The following KATNBL1 variants were observed in gnomAD, a reference collection of about 807,000 sequenced individuals.
The protein encoded by KATNBL1 is KATNB1-like protein 1.
In KATNBL1, 28 loss-of-function variants were observed where a neutral mutation model predicts 44.7. That is an observed-to-expected ratio of 0.63 (90% CI 0.46 to 0.86). The LOEUF (loss-of-function observed/expected upper bound fraction) is 0.86. Among genes scored for constraint, KATNBL1 ranks in the 40% least tolerant of loss-of-function variants. KATNBL1 has a pLI of 0.00. For missense variants in KATNBL1, 272 were observed against 350.7 expected (o/e 0.78, Z 1.79); for synonymous variants, 78 against 114.9 (o/e 0.68, Z 2.06).
At chr15:34,191,028 G>A (rs923305330) in intron 1 of KATNBL1, among the ~76,000 whole-genome samples, 9 of 151,960 alleles carry the variant, frequency 5.9e-5, no homozygotes, top group African/African-American at 2.2e-4. Flanking sequence ...TAAATGCAAT[G>A]TTTGGATGTT....
chr15:34,152,801 A>C lies in KATNBL1; in HGVS notation c.427T>G (p.Phe143Val). The C allele has an allele frequency of 6.2e-7, 1 of 1,609,150 alleles. No homozygotes were observed. Among genetic ancestry groups the C allele is most frequent in the Non-Finnish European group, 8.5e-7 (1 of 1,177,216 alleles). The change falls in exon 4 of 10, where the codon TTT becomes GTT. Residue 143 changes from phenylalanine to valine, a missense_variant. Physicochemically the swap from Phe to Val is conservative, Grantham distance 50. Coordinates refer to ENST00000256544, the MANE Select transcript of KATNBL1 (RefSeq NM_024713.3). ...GAGAAAAGACTTACCTCAGAAAAAA[A>C]CCCACTATATTTTGATGATGGGCTT... ...TESPSSKYSG[F>V]FSEVSQDHET...
chr15:34,148,874 C>T, intron 4 of KATNBL1, 124 bp from the exon 5 acceptor site: 2 of 588,142 alleles, frequency 3.4e-6, no homozygotes, highest in Admixed American at 3.0e-5. Flanking sequence ...TTTACTAGCC[C>T]ACAAAAAGGA....
chr15:34,174,997 A>C (rs1167045350), intron 1 of KATNBL1, among the ~76,000 whole-genome samples: 3 of 152,082 alleles, frequency 2.0e-5, no homozygotes, highest in Admixed American at 1.3e-4. Flanking sequence ...CTGTAATCCC[A>C]GCACTGTGGT....
chr15:34,153,224 G>C (rs1415338721), intron 3 of KATNBL1, among the ~76,000 whole-genome samples, 155 bp from the exon 4 acceptor site: 2 of 152,136 alleles, frequency 1.3e-5, no homozygotes, highest in Non-Finnish European at 2.9e-5. Flanking sequence ...GAGTTGAAGA[G>C]AAAAGTAAAA....
In KATNBL1 at chr15:34,183,112, T is replaced by C. The variant is rs1040987170; in HGVS notation, c.-14-19422A>G. Among the ~76,000 whole-genome samples, 5 of 152,344 alleles carry C rather than the reference T, an allele frequency of 3.3e-5. No individual in the cohort carries two copies. In the East Asian group the frequency reaches 5.8e-4, roughly 18 times the overall value. On this transcript the variant is annotated intron_variant, in intron 1 of 9. Transcript: ENST00000256544. ...CTCCAGGAAACTGGTTACTCTTCAA[T>C]CCTGGAGGTGCCAGAAACATTCCTC...
rs2140899690 is a variant in KATNBL1 at position 34,147,126 on chromosome 15, A to G, written c.698+74T>C. Reference sequence around the variant, plus strand: ...TTGCATGTCTCATGGAGCCCAATCTACTATGTACTCACAAAGCACAAAATC... The same window carrying G: ...TTGCATGTCTCATGGAGCCCAATCTGCTATGTACTCACAAAGCACAAAATC... On this transcript the variant is annotated intron_variant, in intron 7 of 9. Coordinates refer to ENST00000256544, the MANE Select transcript of KATNBL1 (RefSeq NM_024713.3). 4 of 886,516 alleles carry G rather than the reference A, an allele frequency of 4.5e-6. No individual in the cohort carries two copies. The East Asian group carries it at 9.9e-5, about 22-fold the overall frequency. 54.9% of individuals were successfully genotyped at this position (886,516 alleles called of 1,614,324 possible).
intron 2 of KATNBL1, among the ~76,000 whole-genome samples, chr15:34,162,956 T>C (rs1316615110): frequency 1.3e-5 from 2 of 151,816 alleles, no homozygotes; most frequent in East Asian, 3.9e-4. Flanking sequence ...TAATGAACCT[T>C]ACAATAGTGA....
intron 1 of KATNBL1, among the ~76,000 whole-genome samples, chr15:34,206,529 C>T (rs1461813022): frequency 6.6e-6 from 1 of 152,162 alleles, no homozygotes; most frequent in African/African-American, 2.4e-5. Flanking sequence ...TGGTGGCTCA[C>T]GCCTGTAATC....
intron 1 of KATNBL1, among the ~76,000 whole-genome samples, chr15:34,178,222 A>C (rs1889394942): frequency 6.6e-6 from 1 of 152,172 alleles, no homozygotes; most frequent in Admixed American, 6.5e-5. Context: ...ACCAACTTTA[A>C]ACAGCGTATT....
chr15:34,143,697 C>G (rs1888219072), intron 9 of KATNBL1, among the ~76,000 whole-genome samples: 1 of 150,590 alleles, frequency 6.6e-6, no homozygotes, highest in Admixed American at 6.6e-5. Flanking sequence ...CGCCTGTAAT[C>G]CCAGCACTTT....
intron 7 of KATNBL1, 40 bp from the exon 8 acceptor site, chr15:34,146,890 C>A (rs779320463): frequency 8.3e-7 from 1 of 1,203,962 alleles, no homozygotes; most frequent in Non-Finnish European, 1.2e-6. Flanking sequence ...GTGTTTTCAT[C>A]TAAGAACCCT....
intron 9 of KATNBL1, 147 bp from the exon 10 acceptor site, chr15:34,142,518 A>G (rs1888179358): frequency 1.3e-6 from 1 of 795,672 alleles, no homozygotes; most frequent in Admixed American, 3.6e-5. Flanking sequence ...CAGTGCTTTT[A>G]TCTGCATTTG....
intron 1 of KATNBL1, among the ~76,000 whole-genome samples, chr15:34,189,878 G>A (rs1889823064): frequency 6.6e-6 from 1 of 151,780 alleles, no homozygotes; most frequent in Non-Finnish European, 1.5e-5. Context: ...AAAAGGAAGT[G>A]TATGTATTCA....
intron 1 of KATNBL1, among the ~76,000 whole-genome samples, chr15:34,191,426 C>T (rs1889869560): frequency 6.6e-6 from 1 of 151,924 alleles, no homozygotes; most frequent in African/African-American, 2.4e-5. Flanking sequence ...CATATGCTTT[C>T]ATTTCTCATG....
intron 2 of KATNBL1, 87 bp from the exon 3 acceptor site, chr15:34,154,771 A>G: frequency 2.2e-6 from 2 of 890,926 alleles, no homozygotes; most frequent in South Asian, 2.8e-5. Context: ...AAGCTTTCTC[A>G]GCAAGGCAAT....
intron 2 of KATNBL1, among the ~76,000 whole-genome samples, chr15:34,160,035 G>T (rs575750894): frequency 4.6e-5 from 7 of 152,116 alleles, no homozygotes; most frequent in Non-Finnish European, 8.8e-5. Flanking sequence ...TGGGACTCAA[G>T]ATAAAAAAAG....
intron 4 of KATNBL1, among the ~76,000 whole-genome samples, chr15:34,152,094 T>A (rs1397266988): frequency 6.6e-6 from 1 of 151,622 alleles, no homozygotes; most frequent in East Asian, 1.9e-4. Context: ...GCACCCACCA[T>A]CATGCCCGGC....
Position 34,145,188 on chromosome 15 carries a change from C to A in KATNBL1, c.882+210G>T, listed in dbSNP as rs1324813402. The A allele has an allele frequency of 7.3e-6, 10 of 1,362,276 alleles. 1 individual carries two copies. The allele number at this position is 1,362,276 out of a possible 1,614,324, so 84.4% of individuals were successfully genotyped here. On this transcript the variant is annotated intron_variant, in intron 9 of 9. Coordinates refer to ENST00000256544, the MANE Select transcript of KATNBL1 (RefSeq NM_024713.3). Reference sequence around the variant, plus strand: ...CTAGCATAGCATTTCAGGGGCTGTACATGAAACATGTTCAATGGCCAATTC... The same window carrying A: ...CTAGCATAGCATTTCAGGGGCTGTAAATGAAACATGTTCAATGGCCAATTC...
chr15:34,174,861 T>G (rs1024064047), intron 1 of KATNBL1, among the ~76,000 whole-genome samples: 1 of 151,938 alleles, frequency 6.6e-6, no homozygotes, highest in African/African-American at 2.4e-5. Flanking sequence ...AGGCTGGTCT[T>G]GAACTCCTGA....
Sources: allele counts gnomAD v4.1 joint callset (sites outside exome capture counted in the v4.1 genomes callset), GRCh38; gene constraint gnomAD v4.1.1; transcripts MANE v1.5; gene names NCBI Gene and HGNC (gene_info 2026-07-23, HGNC 2026-07-21).